CA10: variants seen among roughly 807,000 people sequenced by gnomAD.
CA10 encodes carbonic anhydrase-related protein 10.
A neutral mutation model predicts 44.2 loss-of-function variants in CA10; 14 were observed. That is an observed-to-expected ratio of 0.32 (90% CI 0.21 to 0.50). The LOEUF (loss-of-function observed/expected upper bound fraction) is 0.50, where lower values mean the gene tolerates loss of function less well. Among genes scored for constraint, CA10 ranks in the 20% least tolerant of loss-of-function variants. The pLI is 0.99. For synonymous variants in CA10, 159 were observed against 141.6 expected (o/e 1.12, Z -0.87); for missense variants, 350 against 409.7 (o/e 0.85, Z 1.26).
At chr17:52,017,045 A>G (rs536019292) in intron 2 of CA10, among the ~76,000 whole-genome samples, 1 of 152,266 alleles carries the variant, frequency 6.6e-6, no homozygotes, top group East Asian at 1.9e-4. Flanking sequence ...CTCTCGCTAG[A>G]AGCAGATGCT....
At chr17:51,688,917 G>C (rs534216125) in intron 4 of CA10, among the ~76,000 whole-genome samples, 8 of 152,176 alleles carry the variant, frequency 5.3e-5, no homozygotes, top group Non-Finnish European at 2.9e-5. Context: ...GCCAGGTGTT[G>C]TCCTAACACT....
chr17:52,104,215 A>C (rs1988607700), intron 1 of CA10, among the ~76,000 whole-genome samples: 1 of 147,520 alleles, frequency 6.8e-6, no homozygotes. Context: ...TCTCTGAGAC[A>C]GTGTCTGGTT....
intron 3 of CA10, among the ~76,000 whole-genome samples, chr17:51,827,546 G>T (rs924215290): frequency 6.6e-6 from 1 of 152,070 alleles, no homozygotes; most frequent in African/African-American, 2.4e-5. Context: ...AGAGCTTTAG[G>T]GACATATTTT....
intron 4 of CA10, among the ~76,000 whole-genome samples, chr17:51,745,557 T>A (rs1234508454): frequency 1.3e-5 from 2 of 152,176 alleles, no homozygotes; most frequent in Non-Finnish European, 2.9e-5. Context: ...CTGGTGTAGG[T>A]CTAGGAAAAT....
At chr17:51,860,337 T>A (rs1979247408) in intron 3 of CA10, among the ~76,000 whole-genome samples, 1 of 152,212 alleles carries the variant, frequency 6.6e-6, no homozygotes, top group African/African-American at 2.4e-5. Context: ...GCCTCATAAG[T>A]CTTAAGGCTT....
At position 51,747,793 on chromosome 17, in the gene CA10, C is replaced by T; in HGVS notation, c.305G>A (p.Gly102Glu). The T allele has an allele frequency of 1.2e-6, 2 of 1,613,396 alleles. No individual in the cohort carries two copies. The highest frequency in any genetic ancestry group is 1.3e-5 in the African/African-American group (1 of 75,044). ...GTCCAGGCGAAGGGATACGTGTCTT[C>T]CAGTGTTGTACATGGTCCCACTGAC... ...RKVSGTMYNT[G>E]RHVSLRLDKE... Residue 102 changes from glycine (G) to glutamate (E), a missense_variant, in exon 4 of 9, where the codon GGA becomes GAA. Gly to Glu is a moderately conservative substitution (Grantham distance 98). Coordinates refer to ENST00000451037, the MANE Select transcript of CA10 (RefSeq NM_020178.5).
At chr17:51,800,183 T>A (rs1001720258) in intron 3 of CA10, among the ~76,000 whole-genome samples, 1 of 152,304 alleles carries the variant, frequency 6.6e-6, no homozygotes, top group Admixed American at 6.5e-5. Context: ...AGGAATGAAG[T>A]ACCGGTACAT....
At chr17:51,650,004 G>GCCAC (rs967136779) in intron 5 of CA10, among the ~76,000 whole-genome samples, 2 of 126,572 alleles carry the variant, frequency 1.6e-5, no homozygotes, top group Non-Finnish European at 3.5e-5. Flanking sequence ...CAGCCAGCCA[G>GCCAC]CCACCCACCC....
intron 4 of CA10, among the ~76,000 whole-genome samples, chr17:51,724,274 G>T (rs1001014388): frequency 1.3e-5 from 2 of 152,186 alleles, no homozygotes; most frequent in African/African-American, 4.8e-5. Flanking sequence ...TTCCTTGGTT[G>T]GGAGATGTAT....
intron 3 of CA10, among the ~76,000 whole-genome samples, chr17:51,924,790 T>C (rs1034822158): frequency 1.3e-5 from 2 of 152,154 alleles, no homozygotes; most frequent in Non-Finnish European, 2.9e-5. Flanking sequence ...CTTCCAGACC[T>C]GGGGTGGTTA....
intron 3 of CA10, among the ~76,000 whole-genome samples, chr17:51,863,307 G>T (rs973218698): frequency 6.6e-6 from 1 of 152,152 alleles, no homozygotes; most frequent in Non-Finnish European, 1.5e-5. Context: ...CCCCTGCCTT[G>T]CTTTGCTAAT....
At chr17:52,023,411 G>A (rs1477980495) in intron 2 of CA10, among the ~76,000 whole-genome samples, 3 of 152,008 alleles carry the variant, frequency 2.0e-5, no homozygotes, top group Admixed American at 2.0e-4. Context: ...ATAACTGGCT[G>A]TGCATATGCA....
intron 2 of CA10, among the ~76,000 whole-genome samples, chr17:51,980,506 G>C (rs1268820665): frequency 6.6e-6 from 1 of 152,100 alleles, no homozygotes; most frequent in Non-Finnish European, 1.5e-5. Context: ...TTGCTGTGCA[G>C]AAGCTCTTAA....
chr17:51,927,436 G>A (rs976211181), intron 3 of CA10, among the ~76,000 whole-genome samples: 1 of 152,044 alleles, frequency 6.6e-6, no homozygotes, highest in Non-Finnish European at 1.5e-5. Context: ...AGGTTTCTAT[G>A]TGCCATATTT....
In CA10 at chr17:51,979,488, CCAAT is replaced by C. The variant is rs374057852; in HGVS notation, c.137-48360_137-48357del. On this transcript the variant is annotated intron_variant, in intron 2 of 8. Coordinates refer to ENST00000451037, the MANE Select transcript of CA10 (RefSeq NM_020178.5). The stretch of plus-strand genomic sequence containing the variant: ...TTTCTGCTCCTCTCCCTTCTCTTCC[CCAAT>C]CAAATAGACCCCAGTGCCTGTTGTT... 3.7e-3 allele frequency among the ~76,000 whole-genome samples: 567 copies of C among 152,202 alleles called. 2 individuals carry two copies. Among genetic ancestry groups the C allele is most frequent in the African/African-American group, 0.013 (534 of 41,544 alleles).
chr17:52,085,071 T>C lies in CA10; in HGVS notation c.62-12678A>G, dbSNP rs570753759. On this transcript the variant is annotated intron_variant, in intron 1 of 8. Transcript: ENST00000451037. The stretch of plus-strand genomic sequence containing the variant: ...CTGCATGGCCTACATTTATAAGATA[T>C]AAATAAATCTCCATCTTATTTAGAC... Among the ~76,000 whole-genome samples, 4 of 152,314 alleles carry C rather than the reference T, an allele frequency of 2.6e-5. No individual in the cohort carries two copies. The South Asian group carries it at 8.3e-4, about 32-fold the overall frequency.
At position 51,970,279 on chromosome 17, in the gene CA10, G is replaced by A. The variant is rs187444768; in HGVS notation, c.137-39147C>T. Among the ~76,000 whole-genome samples, 11 of 151,128 alleles carry A rather than the reference G, an allele frequency of 7.3e-5. No individual in the cohort carries two copies. The East Asian group carries it at 2.1e-3, about 29-fold the overall frequency. On this transcript the variant is annotated intron_variant, in intron 2 of 8. Coordinates refer to ENST00000451037, the MANE Select transcript of CA10 (RefSeq NM_020178.5). ...CTTCAATTTAATTTTATGAGAGTGT[G>A]GATTAAAAATATATATGAAAAACAA...
intron 4 of CA10, among the ~76,000 whole-genome samples, chr17:51,695,621 T>G (rs2143441960): frequency 6.6e-6 from 1 of 152,330 alleles, no homozygotes; most frequent in East Asian, 1.9e-4. Flanking sequence ...GAGAGATAGT[T>G]TGACTCCTTC....
intron 4 of CA10, among the ~76,000 whole-genome samples, chr17:51,693,040 AT>A (rs1296904639): frequency 6.6e-6 from 1 of 152,160 alleles, no homozygotes; most frequent in African/African-American, 2.4e-5. Flanking sequence ...GCTTCTGCGA[AT>A]TTCCATGGGT....
Sources: allele counts gnomAD v4.1 joint callset (sites outside exome capture counted in the v4.1 genomes callset), GRCh38; gene constraint gnomAD v4.1.1; transcripts MANE v1.5; gene names NCBI Gene and HGNC (gene_info 2026-07-23, HGNC 2026-07-21).